ZDHHC20: variants seen among roughly 807,000 people sequenced by gnomAD.
ZDHHC20 encodes the protein palmitoyltransferase ZDHHC20.
ZDHHC20 carries 43 observed loss-of-function variants against 57.8 expected under a neutral mutation model. That is an observed-to-expected ratio of 0.74 (90% confidence interval 0.58 to 0.96). The LOEUF (loss-of-function observed/expected upper bound fraction) is 0.96, where lower values mean the gene tolerates loss of function less well. Among genes scored for constraint, ZDHHC20 ranks in the 40% least tolerant of loss-of-function variants. The pLI is 0.00. For missense variants in ZDHHC20, 391 were observed against 441.1 expected (o/e 0.89, Z 1.02); for synonymous variants, 157 against 153.0 (o/e 1.03, Z -0.19).
intron 1 of ZDHHC20, among the ~76,000 whole-genome samples, chr13:21,431,622 T>C (rs924267547): frequency 2.0e-5 from 3 of 152,252 alleles, no homozygotes; most frequent in African/African-American, 4.8e-5. Flanking sequence ...AGAGTTATAG[T>C]TGCTCCACAT....
chr13:21,432,158 A>G (rs1882035158), intron 1 of ZDHHC20, among the ~76,000 whole-genome samples: 1 of 151,410 alleles, frequency 6.6e-6, no homozygotes, highest in African/African-American at 2.4e-5. Flanking sequence ...CTCTCATTTT[A>G]TTTCATATTT....
At chr13:21,410,925 A>G (rs1470511995) in intron 4 of ZDHHC20, among the ~76,000 whole-genome samples, 1 of 152,182 alleles carries the variant, frequency 6.6e-6, no homozygotes, top group African/African-American at 2.4e-5. Flanking sequence ...AAACTCCTGC[A>G]GCTAGCTCAG....
chr13:21,439,793 G>A (rs182650689), intron 1 of ZDHHC20, among the ~76,000 whole-genome samples: 141 of 152,038 alleles, frequency 9.3e-4, no homozygotes, highest in Middle Eastern at 3.4e-3. Context: ...ATTCCCAGGC[G>A]CGGTGGCTCA....
chr13:21,386,007 C>T (rs1874402606), intron 9 of ZDHHC20, among the ~76,000 whole-genome samples: 1 of 152,162 alleles, frequency 6.6e-6, no homozygotes, highest in Non-Finnish European at 1.5e-5. Flanking sequence ...ACTTAGAATT[C>T]ACTGTTTACA....
At chr13:21,446,512 T>A (rs1883716759) in intron 1 of ZDHHC20, among the ~76,000 whole-genome samples, 1 of 152,238 alleles carries the variant, frequency 6.6e-6, no homozygotes, top group Non-Finnish European at 1.5e-5. Flanking sequence ...AATGAGTGGT[T>A]CAAAGTTTAC....
chr13:21,414,009 C>T (rs1256622885), intron 3 of ZDHHC20, among the ~76,000 whole-genome samples: 3 of 152,090 alleles, frequency 2.0e-5, no homozygotes, highest in Non-Finnish European at 2.9e-5. Flanking sequence ...AAATATTTTT[C>T]CATCTTCGTT....
At chr13:21,397,974 T>C (rs1053009719) in intron 7 of ZDHHC20, among the ~76,000 whole-genome samples, 1 of 151,944 alleles carries the variant, frequency 6.6e-6, no homozygotes, top group Non-Finnish European at 1.5e-5. Context: ...AAAAACAAAA[T>C]AAAAAACATC....
chr13:21,438,138 T>C (rs566074599), intron 1 of ZDHHC20, among the ~76,000 whole-genome samples: 1 of 152,236 alleles, frequency 6.6e-6, no homozygotes, highest in Admixed American at 6.5e-5. Context: ...TTTTTATGCC[T>C]GCTAACACAT....
intron 4 of ZDHHC20, 61 bp from the exon 5 acceptor site, chr13:21,402,927 T>A: frequency 7.6e-7 from 1 of 1,309,162 alleles, no homozygotes; most frequent in Middle Eastern, 1.9e-4. Context: ...AATTTGACAT[T>A]AAAACTTGAT....
At chr13:21,403,968 G>A (rs768077064) in intron 4 of ZDHHC20, among the ~76,000 whole-genome samples, 1 of 152,266 alleles carries the variant, frequency 6.6e-6, no homozygotes, top group South Asian at 2.1e-4. Context: ...GATTACAGGC[G>A]TGAGCCACCG....
Position 21,402,794 on chromosome 13 carries a change from T to TA in ZDHHC20, c.440+2dup, listed in dbSNP as rs764475715. The TA allele has an allele frequency of 1.9e-6, 3 of 1,594,732 alleles. No homozygotes were observed. The highest frequency in any genetic ancestry group is 1.7e-6 in the Non-Finnish European group (2 of 1,170,094). On this transcript the variant is annotated splice_region_variant and intron_variant, in intron 5 of 12. Coordinates refer to ENST00000400590, the MANE Select transcript of ZDHHC20 (RefSeq NM_001330059.2). ...ATTAAGCATATGTGTGAGTAACACT[T>TA]ACGAGTCACAGGCTGAGCAGTGATG... is the stretch of plus-strand genomic sequence containing the variant.
intron 4 of ZDHHC20, chr13:21,404,406 G>A: frequency 2.2e-6 from 1 of 459,486 alleles, no homozygotes; most frequent in South Asian, 1.5e-5. Flanking sequence ...TGAAATTTTG[G>A]TTTTTGACAA....
intron 3 of ZDHHC20, among the ~76,000 whole-genome samples, chr13:21,415,542 C>A (rs750669712): frequency 2.0e-5 from 3 of 152,112 alleles, no homozygotes; most frequent in Non-Finnish European, 4.4e-5. Flanking sequence ...ACAATGGAGG[C>A]CCCTTATCTA....
chr13:21,379,781 G>A (rs1240474396), intron 11 of ZDHHC20, among the ~76,000 whole-genome samples: 2 of 150,892 alleles, frequency 1.3e-5, no homozygotes, highest in African/African-American at 4.9e-5. Context: ...GAGTCACCTA[G>A]AAAAGGTTAA....
Position 21,382,652 on chromosome 13 carries a change from C to T in ZDHHC20, c.944+268G>A, listed in dbSNP as rs955007194. Among the ~76,000 whole-genome samples, 4 of 152,096 alleles carry T rather than the reference C, an allele frequency of 2.6e-5. No individual in the cohort carries two copies. The East Asian group carries it at 7.7e-4, about 29-fold the overall frequency. On this transcript the variant is annotated intron_variant, in intron 10 of 12. Coordinates refer to ENST00000400590, the MANE Select transcript of ZDHHC20 (RefSeq NM_001330059.2). ...GCTCCCCAGCTTGCCCAGACATTTC[C>T]AGCTTTATTTGATTATCCTGGTTTA... is the stretch of plus-strand genomic sequence containing the variant.
At chr13:21,440,267 T>A (rs1056241065) in intron 1 of ZDHHC20, among the ~76,000 whole-genome samples, 1 of 152,082 alleles carries the variant, frequency 6.6e-6, no homozygotes, top group African/African-American at 2.4e-5. Flanking sequence ...ATATGACTAT[T>A]GTTTGTACTG....
chr13:21,425,758 C>T, intron 1 of ZDHHC20, 80 bp from the exon 2 acceptor site: 1 of 858,186 alleles, frequency 1.2e-6, no homozygotes, highest in Non-Finnish European at 1.6e-6. Context: ...GAATATTCAT[C>T]TTAATATCAT....
intron 1 of ZDHHC20, among the ~76,000 whole-genome samples, chr13:21,438,138 T>G (rs566074599): frequency 6.6e-6 from 1 of 152,354 alleles, no homozygotes; most frequent in Non-Finnish European, 1.5e-5. Context: ...TTTTTATGCC[T>G]GCTAACACAT....
intron 7 of ZDHHC20, among the ~76,000 whole-genome samples, chr13:21,397,980 A>C: frequency 6.6e-6 from 1 of 152,110 alleles, no homozygotes; most frequent in East Asian, 1.9e-4. Flanking sequence ...AAAATAAAAA[A>C]CATCTACTGA....
Sources: gnomAD v4.1 joint callset for allele counts (sites outside exome capture counted in the v4.1 genomes callset) on GRCh38, gnomAD v4.1.1 for gene constraint, MANE v1.5 for transcripts, NCBI Gene and HGNC (gene_info 2026-07-23, HGNC 2026-07-21) for gene names.